The following HCN1 variants were observed in gnomAD, a reference collection of about 807,000 sequenced individuals.
HCN1 encodes potassium/sodium hyperpolarization-activated cyclic nucleotide-gated channel 1.
A neutral mutation model predicts 78.9 loss-of-function variants in HCN1; 13 were observed. The ratio of observed to expected loss-of-function variants is 0.16; its 90% CI spans 0.11 to 0.26. The LOEUF (loss-of-function observed/expected upper bound fraction) is 0.26, where lower values mean the gene tolerates loss of function less well. HCN1 is among the 10% of genes least tolerant of loss of function. The probability of loss-of-function intolerance (pLI) is 1.00; values close to 1 mark genes in which losing one functional copy is unlikely to be tolerated. For synonymous variants in HCN1, 552 were observed against 455.5 expected (o/e 1.21, Z -2.70); for missense variants, 810 against 1,154.3 (o/e 0.70, Z 4.32).
At chr5:45,498,518 C>T (rs997389374) in intron 2 of HCN1, among the ~76,000 whole-genome samples, 4 of 152,088 alleles carry the variant, frequency 2.6e-5, no homozygotes, top group Admixed American at 6.6e-5. Flanking sequence ...AACTTCTTTG[C>T]CTTTGGTTTG....
chr5:45,328,804 G>T (rs1746286808), intron 5 of HCN1, among the ~76,000 whole-genome samples: 1 of 151,616 alleles, frequency 6.6e-6, no homozygotes, highest in Non-Finnish European at 1.5e-5. Flanking sequence ...CTCTACCACT[G>T]CTCTGAAAGT....
intron 4 of HCN1, among the ~76,000 whole-genome samples, chr5:45,353,727 C>T (rs1202244417): frequency 4.6e-5 from 7 of 151,868 alleles, no homozygotes; most frequent in African/African-American, 1.5e-4. Context: ...GGGAGCTTGG[C>T]AGGTATTTGC....
chr5:45,472,891 T>C (rs1026694466), intron 2 of HCN1, among the ~76,000 whole-genome samples: 14 of 151,986 alleles, frequency 9.2e-5, no homozygotes, highest in Non-Finnish European at 1.2e-4. Context: ...TTTGTCATCA[T>C]TGTGGTCTGT....
intron 1 of HCN1, among the ~76,000 whole-genome samples, chr5:45,672,464 A>T (rs1329220597): frequency 6.6e-6 from 1 of 151,384 alleles, no homozygotes; most frequent in Admixed American, 6.6e-5. Flanking sequence ...TAGTTGTATT[A>T]CAAATGTTTA....
Position 45,563,904 on chromosome 5 carries a change from C to A in HCN1, c.849+81281G>T, listed in dbSNP as rs867268329. On this transcript the variant is annotated intron_variant, in intron 2 of 7. Coordinates refer to ENST00000303230, the MANE Select transcript of HCN1 (RefSeq NM_021072.4). Reference sequence around the variant, plus strand: ...TTTGAAGAGCTTTCTTCTCCAATTTCTATCTATGTCAGTTTCATTTTGATT... The same window carrying A: ...TTTGAAGAGCTTTCTTCTCCAATTTATATCTATGTCAGTTTCATTTTGATT... 2.6e-5 allele frequency among the ~76,000 whole-genome samples: 4 copies of A among 152,242 alleles called. No individual in the cohort carries two copies. In the South Asian group the frequency reaches 8.3e-4, roughly 32 times the overall value.
chr5:45,449,321 C>T (rs141312993), intron 3 of HCN1, among the ~76,000 whole-genome samples: 6 of 152,278 alleles, frequency 3.9e-5, no homozygotes, highest in Middle Eastern at 3.4e-3. Context: ...AACCACTTCA[C>T]AATACCACTT....
At chr5:45,302,270 A>T (rs1476426888) in intron 6 of HCN1, among the ~76,000 whole-genome samples, 3 of 123,444 alleles carry the variant, frequency 2.4e-5, no homozygotes, top group African/African-American at 1.3e-4. Flanking sequence ...AGGAGTTCTG[A>T]TGGTTTAAGT....
chr5:45,372,198 T>C (rs1171575955), intron 4 of HCN1, among the ~76,000 whole-genome samples: 1 of 62,906 alleles, frequency 1.6e-5, no homozygotes, highest in Non-Finnish European at 2.4e-5. Flanking sequence ...ACAATTAATA[T>C]AATACATATT....
At position 45,261,370 on chromosome 5, in the gene HCN1, G is replaced by A. The variant is rs530478432; in HGVS notation, c.*551C>T. ...GTCTCCTACGGTGGCCAAGCAAGTA[G>A]TGCATTCTTTAACCTAATTTGAAAT... On this transcript the variant is annotated 3_prime_UTR_variant, in exon 8 of 8. Transcript: ENST00000303230. 31 of 153,386 alleles carry A rather than the reference G, an allele frequency of 2.0e-4. No individual in the cohort carries two copies. The South Asian group carries it at 4.1e-3, about 20-fold the overall frequency. The allele number at this position is 153,386 out of a possible 1,614,324, so 9.5% of individuals were successfully genotyped here.
intron 2 of HCN1, among the ~76,000 whole-genome samples, chr5:45,504,149 G>A (rs557530549): frequency 2.8e-4 from 42 of 152,138 alleles, no homozygotes; most frequent in Admixed American, 1.2e-3. Context: ...TGTGCACAAT[G>A]TGCAGGTTTG....
chr5:45,636,205 T>C (rs949536150), intron 2 of HCN1, among the ~76,000 whole-genome samples: 1 of 152,112 alleles, frequency 6.6e-6, no homozygotes, highest in African/African-American at 2.4e-5. Flanking sequence ...CCAACTAAAG[T>C]GACTCGTTCA....
chr5:45,669,815 T>C (rs1362351621), intron 1 of HCN1, among the ~76,000 whole-genome samples: 1 of 151,786 alleles, frequency 6.6e-6, no homozygotes, highest in Non-Finnish European at 1.5e-5. Context: ...AGATACATGA[T>C]ATTATAGACT....
chr5:45,655,207 G>A lies in HCN1; in HGVS notation c.426-9599C>T, dbSNP rs568078964. Reference sequence around the variant, plus strand: ...TTGTCTTACTGAATATTAAGGAGGCGGCATTAGGGCAATAAAGTATTAAAT... The same window carrying A: ...TTGTCTTACTGAATATTAAGGAGGCAGCATTAGGGCAATAAAGTATTAAAT... On this transcript the variant is annotated intron_variant, in intron 1 of 7. Coordinates refer to ENST00000303230, the MANE Select transcript of HCN1 (RefSeq NM_021072.4). Among the ~76,000 whole-genome samples the A allele has an allele frequency of 1.4e-4, 22 of 151,920 alleles. No homozygotes were observed. In the East Asian group the frequency reaches 2.3e-3, roughly 16 times the overall value.
intron 2 of HCN1, among the ~76,000 whole-genome samples, chr5:45,555,823 T>G (rs1417370262): frequency 1.3e-5 from 2 of 151,794 alleles, no homozygotes; most frequent in African/African-American, 4.8e-5. Flanking sequence ...AAAGCTATGG[T>G]AAGCAAAAAA....
Position 45,542,746 on chromosome 5 carries a change from C to A in HCN1, c.850-80739G>T, listed in dbSNP as rs1743131612. ...TACTGTTTAGGTTAGGTTTGTGTTT[C>A]CAACAGAGCTTAGCTGAAATCACAG... On this transcript the variant is annotated intron_variant, in intron 2 of 7. Transcript: ENST00000303230. Among the ~76,000 whole-genome samples, 3 of 152,100 alleles carry A rather than the reference C, an allele frequency of 2.0e-5. No individual in the cohort carries two copies. In the South Asian group the frequency reaches 6.2e-4, roughly 31 times the overall value.
At chr5:45,396,003 C>T (rs1006148394) in intron 4 of HCN1, among the ~76,000 whole-genome samples, 9 of 151,918 alleles carry the variant, frequency 5.9e-5, no homozygotes, top group African/African-American at 1.5e-4. Flanking sequence ...GAGAGTGTGG[C>T]GACTTATCTA....
intron 2 of HCN1, among the ~76,000 whole-genome samples, chr5:45,540,867 T>C (rs895709112): frequency 2.0e-5 from 3 of 152,152 alleles, no homozygotes; most frequent in African/African-American, 4.8e-5. Flanking sequence ...TAAATTCTAG[T>C]AGGCATTTTC....
chr5:45,328,965 G>A (rs1388637686), intron 5 of HCN1, among the ~76,000 whole-genome samples: 2 of 151,608 alleles, frequency 1.3e-5, no homozygotes, highest in Admixed American at 6.6e-5. Context: ...TAGTGTTGTG[G>A]AGGAAGGATA....
At chr5:45,355,557 A>G (rs1454947418) in intron 4 of HCN1, among the ~76,000 whole-genome samples, 1 of 151,998 alleles carries the variant, frequency 6.6e-6, no homozygotes, top group African/African-American at 2.4e-5. Context: ...GAAACAAAGT[A>G]AATTTAGTTT....
Sources: gnomAD v4.1 joint callset for allele counts (sites outside exome capture counted in the v4.1 genomes callset) on GRCh38, gnomAD v4.1.1 for gene constraint, MANE v1.5 for transcripts, NCBI Gene and HGNC (gene_info 2026-07-23, HGNC 2026-07-21) for gene names.